The following INTS2 variants were observed in gnomAD, a reference collection of about 807,000 sequenced individuals.
INTS2 encodes KIAA1287.
Under a neutral mutation model 139.6 loss-of-function variants are expected in INTS2, and 57 were observed. The ratio of observed to expected loss-of-function variants is 0.41; its 90% CI spans 0.33 to 0.51. INTS2 has a LOEUF of 0.51. INTS2 is among the 20% of genes least tolerant of loss of function. The pLI, the probability that INTS2 is intolerant of heterozygous loss-of-function variation, is 0.28. For synonymous variants in INTS2, 473 were observed against 493.4 expected (o/e 0.96, Z 0.55); for missense variants, 1,196 against 1,436.7 (o/e 0.83, Z 2.71).
At chr17:61,904,693 G>C (rs2079443105) in intron 8 of INTS2, 108 bp from the exon 9 acceptor site, 9 of 916,754 alleles carry the variant, frequency 9.8e-6, no homozygotes, top group East Asian at 5.5e-5. Context: ...ATGGTATCTT[G>C]CTATTTATAA....
In INTS2 at chr17:61,911,723, C is replaced by A. The variant is rs766774492; in HGVS notation, c.781-30G>T. On this transcript the variant is annotated intron_variant, in intron 6 of 24. Coordinates refer to ENST00000251334, the MANE Select transcript of INTS2 (RefSeq NM_001351695.2). The stretch of plus-strand genomic sequence containing the variant: ...CACAGAAAAGAAAACAAACTGAATT[C>A]AGTATCATAAGCAAAAAGGCCAGTG... 3.1e-6 allele frequency: 5 copies of A among 1,594,872 alleles called. No individual in the cohort carries two copies. The African/African-American group carries it at 6.7e-5, about 21-fold the overall frequency.
intron 5 of INTS2, among the ~76,000 whole-genome samples, chr17:61,918,421 T>C (rs1200568163): frequency 6.6e-6 from 1 of 152,146 alleles, no homozygotes; most frequent in African/African-American, 2.4e-5. Context: ...TTTGTATTTT[T>C]AGTAGAGACG....
At chr17:61,914,572 G>T (rs1244171362) in intron 5 of INTS2, among the ~76,000 whole-genome samples, 1 of 151,280 alleles carries the variant, frequency 6.6e-6, no homozygotes, top group Non-Finnish European at 1.5e-5. Context: ...TGGTGGTGGC[G>T]GGCGCCTGTA....
chr17:61,891,873 T>C (rs1481909670), intron 13 of INTS2, among the ~76,000 whole-genome samples, 184 bp from the exon 14 acceptor site: 1 of 150,376 alleles, frequency 6.6e-6, no homozygotes, highest in Non-Finnish European at 1.5e-5. Flanking sequence ...GAACTACCAT[T>C]ATATCTGTAT....
intron 13 of INTS2, 25 bp from the exon 14 acceptor site, chr17:61,891,714 GAATT>G (rs1341463752): frequency 7.8e-6 from 12 of 1,530,250 alleles, no homozygotes; most frequent in African/African-American, 2.8e-5. Flanking sequence ...TATAGACACT[GAATT>G]AATTGTGGCA....
Position 61,866,832 on chromosome 17 carries a change from A to AACAC in INTS2, c.*721_*724dup. On this transcript the variant is annotated 3_prime_UTR_variant, in exon 25 of 25. Coordinates refer to ENST00000251334, the MANE Select transcript of INTS2 (RefSeq NM_001351695.2). Reference sequence around the variant, plus strand: ...TTCTTTGAACAAAGATGTTTCTGTAAACACTTTTACACCAGTATCTTAAAA... The same window carrying AACAC: ...TTCTTTGAACAAAGATGTTTCTGTAAACACACACTTTTACACCAGTATCTTAAAA... 6.6e-6 allele frequency: 1 copy of AACAC among 152,238 alleles called. No homozygotes were observed. Among genetic ancestry groups the AACAC allele is most frequent in the East Asian group, 1.9e-4 (1 of 5,204 alleles). 9.4% of individuals were successfully genotyped at this position (152,238 alleles called of 1,614,324 possible).
At chr17:61,877,648 C>T (rs1163195845) in intron 18 of INTS2, among the ~76,000 whole-genome samples, 4 of 152,254 alleles carry the variant, frequency 2.6e-5, no homozygotes, top group Admixed American at 6.5e-5. Flanking sequence ...TACATGATAA[C>T]CCAATTTTCA....
chr17:61,868,405 A>G lies in INTS2; in HGVS notation c.3245-396T>C, dbSNP rs774634347. Among the ~76,000 whole-genome samples the G allele has an allele frequency of 2.0e-5, 3 of 152,184 alleles. No homozygotes were observed. Among genetic ancestry groups the G allele is most frequent in the Non-Finnish European group, 4.4e-5 (3 of 67,992 alleles). ...GCAGTGTAAACTCTTAATCACTACA[A>G]ATAATTATAACAGGATATAAATACG... is the stretch of plus-strand genomic sequence containing the variant. On this transcript the variant is annotated intron_variant, in intron 23 of 24. Transcript: ENST00000251334. The surrounding 1 kb of genome is among the most constrained non-coding windows in gnomAD (Gnocchi z 4.7).
In INTS2 at chr17:61,869,689, C is replaced by A. The variant is rs775252562; in HGVS notation, c.3030+48G>T. ...CTGTTAATATAGTATTCAAAGCCCC[C>A]AAGAAAAATAAAGTTCAAACACAAA... On this transcript the variant is annotated intron_variant, in intron 21 of 24. Transcript: ENST00000251334. This position sits in a 1 kb window ranked among gnomAD's most constrained non-coding sequence, Gnocchi z 5.4. 1 of 1,587,346 alleles carries A rather than the reference C, an allele frequency of 6.3e-7. No homozygotes were observed. The highest frequency in any genetic ancestry group is 8.6e-7 in the Non-Finnish European group (1 of 1,162,986).
At chr17:61,889,532 T>C (rs2079268364) in intron 15 of INTS2, among the ~76,000 whole-genome samples, 1 of 152,318 alleles carries the variant, frequency 6.6e-6, no homozygotes, top group East Asian at 1.9e-4. Flanking sequence ...ACCTATACAA[T>C]TGTTAAAATA....
At position 61,878,077 on chromosome 17, in the gene INTS2, C is replaced by G. The variant is rs61752322; in HGVS notation, c.2266G>C (p.Val756Leu). 12 of 1,607,776 alleles carry G rather than the reference C, an allele frequency of 7.5e-6. No individual in the cohort carries two copies. The highest frequency in any genetic ancestry group is 1.0e-5 in the Non-Finnish European group (12 of 1,174,300). Residue 756 changes from valine (V) to leucine (L), a missense_variant, in exon 18 of 25, where the codon GTC (valine) becomes CTC (leucine). Physicochemically the swap from Val to Leu is conservative, Grantham distance 32 (BLOSUM62 1). Transcript: ENST00000251334. ...PKQLQEAFSA[V>L]PVNNTQVMQI... ...ATCACTTGTGTGTTATTTACTGGGA[C>G]AGCTGAAAATGCTAAAAAGAAAATT...
chr17:61,881,195 T>C (rs745613966), intron 16 of INTS2, 24 bp from the exon 17 acceptor site: 47 of 1,595,338 alleles, frequency 2.9e-5, no homozygotes, highest in South Asian at 5.6e-5. Flanking sequence ...AGAAAATCAA[T>C]TGGATTCTTC....
chr17:61,927,864 C>A lies in INTS2; in HGVS notation c.-229G>T. On this transcript the variant is annotated 5_prime_UTR_variant, in exon 1 of 25. Transcript: ENST00000251334. ...CGATACAAAGTGGGAAGGATGGGGG[C>A]ACCACACAAAGGCAGAACCGGGACT... is the stretch of plus-strand genomic sequence containing the variant. 1.9e-6 allele frequency: 3 copies of A among 1,613,838 alleles called. No individual in the cohort carries two copies. Among genetic ancestry groups the A allele is most frequent in the Non-Finnish European group, 2.5e-6 (3 of 1,179,834 alleles).
Position 61,889,148 on chromosome 17 carries a change from C to T in INTS2, c.1984+638G>A, listed in dbSNP as rs868863013. 8.7e-5 allele frequency among the ~76,000 whole-genome samples: 13 copies of T among 149,774 alleles called. No individual in the cohort carries two copies. The South Asian group carries it at 2.1e-3, about 24-fold the overall frequency. On this transcript the variant is annotated intron_variant, in intron 15 of 24. Transcript: ENST00000251334. ...TGTCCACCAGGCTGGAGTGCAGTGGCGCAATCTCAGCTCACTGCAACTTCC... is the reference window on the plus strand; with the variant it reads ...TGTCCACCAGGCTGGAGTGCAGTGGTGCAATCTCAGCTCACTGCAACTTCC...
At chr17:61,899,440 C>T (rs1348592682) in intron 9 of INTS2, among the ~76,000 whole-genome samples, 3 of 151,652 alleles carry the variant, frequency 2.0e-5, no homozygotes, top group African/African-American at 7.3e-5. Context: ...TTAGTAGAGA[C>T]GGGGTTTCAC....
At position 61,869,390 on chromosome 17, in the gene INTS2, C is replaced by A. The variant is rs1287861612; in HGVS notation, c.3031-10G>T. 3.9e-6 allele frequency: 6 copies of A among 1,535,358 alleles called. No homozygotes were observed. The highest frequency in any genetic ancestry group is 2.4e-5 in the South Asian group (2 of 84,040). ...GTTCACATGGATAACCCTATCTCAA[C>A]AAGAAACGGGAAAAAAGTCAGAAAT... On this transcript the variant is annotated splice_polypyrimidine_tract_variant and intron_variant, in intron 21 of 24. Transcript: ENST00000251334. This position sits in a 1 kb window ranked among gnomAD's most constrained non-coding sequence, Gnocchi z 5.4.
chr17:61,917,731 A>C (rs2079597413), intron 5 of INTS2, among the ~76,000 whole-genome samples: 1 of 152,196 alleles, frequency 6.6e-6, no homozygotes, highest in South Asian at 2.1e-4. Flanking sequence ...GTGTCATACA[A>C]TATACCCATG....
chr17:61,884,001 GA>G (rs35178580), intron 16 of INTS2, among the ~76,000 whole-genome samples: 22,982 of 125,804 alleles, frequency 0.18, 1,885 homozygotes, highest in Middle Eastern at 0.35. Context: ...TTTCCCTAAA[GA>G]AAAAAAAAAA....
intron 4 of INTS2, among the ~76,000 whole-genome samples, chr17:61,919,908 A>T (rs2079621580): frequency 6.6e-6 from 1 of 152,082 alleles, no homozygotes; most frequent in Admixed American, 6.6e-5. Flanking sequence ...ATGACATTTC[A>T]TTGTATTATT....
Sources: allele counts gnomAD v4.1 joint callset (sites outside exome capture counted in the v4.1 genomes callset), GRCh38; gene constraint gnomAD v4.1.1; non-coding constraint Gnocchi (gnomAD v3.1); transcripts MANE v1.5; gene names NCBI Gene and HGNC (gene_info 2026-07-23, HGNC 2026-07-21).